The following SNTG2 variants were observed in gnomAD, a reference collection of about 807,000 sequenced individuals.
SNTG2 encodes syntrophin gamma 2, also known as gamma-2-syntrophin.
In SNTG2, 74 loss-of-function variants were observed where a neutral mutation model predicts 70.9. The observed-to-expected ratio is 1.04, with a 90% CI of 0.86 to 1.27. The LOEUF is 1.27. SNTG2 is among the 50% of genes most tolerant of loss of function. The probability of loss-of-function intolerance (pLI) is 0.00; values close to 1 mark genes in which losing one functional copy is unlikely to be tolerated. For synonymous variants in SNTG2, 278 were observed against 273.8 expected (o/e 1.02, Z -0.15); for missense variants, 717 against 690.7 (o/e 1.04, Z -0.43).
intron 15 of SNTG2, among the ~76,000 whole-genome samples, chr2:1,313,190 C>T (rs532501032): frequency 6.6e-6 from 1 of 152,206 alleles, no homozygotes; most frequent in East Asian, 1.9e-4. Flanking sequence ...TCTTTAACAA[C>T]CTGAAACCAT....
At chr2:1,183,396 C>T (rs1270920939) in intron 8 of SNTG2, among the ~76,000 whole-genome samples, 5 of 152,056 alleles carry the variant, frequency 3.3e-5, no homozygotes, top group African/African-American at 7.2e-5. Context: ...TGATATGATA[C>T]GTGTATGTCC....
chr2:1,221,791 C>G lies in SNTG2; in HGVS notation c.719+12561C>G, dbSNP rs1305260683. On this transcript the variant is annotated intron_variant, in intron 9 of 16. Coordinates refer to ENST00000308624, the MANE Select transcript of SNTG2 (RefSeq NM_018968.4). ...TCTCTGCCTCTCTCTGTCTCTGTCTCTGTCTGTCTCTGTCTCTCTCTCGGT... is the reference window on the plus strand; with the variant it reads ...TCTCTGCCTCTCTCTGTCTCTGTCTGTGTCTGTCTCTGTCTCTCTCTCGGT... 1.0e-3 allele frequency among the ~76,000 whole-genome samples: 8 copies of G among 7,786 alleles called. 3 individuals carry two copies. Among genetic ancestry groups the G allele is most frequent in the Non-Finnish European group, 1.6e-3 (7 of 4,508 alleles). 5.1% of individuals were successfully genotyped at this position (7,786 alleles called of 152,430 possible). A position where few individuals can be genotyped will look rare whatever the true frequency, so the allele number is the denominator to read the frequency against.
chr2:988,823 A>G (rs1383368634), intron 1 of SNTG2, among the ~76,000 whole-genome samples: 1 of 152,126 alleles, frequency 6.6e-6, no homozygotes, highest in Non-Finnish European at 1.5e-5. Context: ...TTATGTGTAT[A>G]TAGCTCAACT....
At chr2:1,262,722 G>GTCCAGACGAGGCAACCGGAAGGCTCCC (rs1678495896) in intron 13 of SNTG2, 2 of 94,546 alleles carry the variant, frequency 2.1e-5, no homozygotes, top group Non-Finnish European at 6.0e-5. Flanking sequence ...GGAAGGCTCC[G>GTCCAGACGAGGCAACCGGAAGGCTCCC]TCCAGACGAG....
chr2:969,063 G>A (rs756079214), intron 1 of SNTG2, among the ~76,000 whole-genome samples: 3 of 152,166 alleles, frequency 2.0e-5, no homozygotes, highest in Non-Finnish European at 4.4e-5. Flanking sequence ...GAGGGGTCCA[G>A]TTTCAATCTT....
intron 1 of SNTG2, among the ~76,000 whole-genome samples, chr2:1,012,444 G>C (rs147442137): frequency 3.3e-5 from 5 of 152,330 alleles, no homozygotes; most frequent in African/African-American, 1.2e-4. Flanking sequence ...GAAACCTGCA[G>C]GCTTAATCGA....
chr2:1,054,469 G>T (rs931963740), intron 1 of SNTG2, among the ~76,000 whole-genome samples: 3 of 152,196 alleles, frequency 2.0e-5, no homozygotes, highest in African/African-American at 7.2e-5. Flanking sequence ...GAGTTTGAAG[G>T]ATTCCTGAAA....
chr2:1,302,979 C>A (rs928373380), intron 14 of SNTG2, among the ~76,000 whole-genome samples: 6 of 151,784 alleles, frequency 4.0e-5, no homozygotes, highest in African/African-American at 1.2e-4. Context: ...AACGGGGCTG[C>A]AAAATATGGG....
intron 12 of SNTG2, among the ~76,000 whole-genome samples, chr2:1,251,156 C>T (rs115726488): frequency 8.5e-5 from 13 of 152,236 alleles, no homozygotes; most frequent in Admixed American, 2.6e-4. Flanking sequence ...TTGAATTAGC[C>T]CCAGATAGAT....
intron 8 of SNTG2, among the ~76,000 whole-genome samples, chr2:1,204,112 A>G (rs752665983): frequency 6.6e-6 from 1 of 152,218 alleles, no homozygotes; most frequent in Non-Finnish European, 1.5e-5. Flanking sequence ...AAACCAGATC[A>G]GTGACTACCT....
intron 1 of SNTG2, among the ~76,000 whole-genome samples, chr2:952,540 T>A (rs1259171111): frequency 6.6e-6 from 1 of 152,240 alleles, no homozygotes; most frequent in African/African-American, 2.4e-5. Context: ...GTGCTAAATT[T>A]GATGTTTTCC....
chr2:966,945 TCAAACAAA>T (rs201295058), intron 1 of SNTG2, among the ~76,000 whole-genome samples: 2 of 143,572 alleles, frequency 1.4e-5, no homozygotes, highest in Non-Finnish European at 3.0e-5. Context: ...AGACTCTGTC[TCAAACAAA>T]CAAACAAACA....
At chr2:1,270,947 G>A (rs1678988045) in intron 14 of SNTG2, among the ~76,000 whole-genome samples, 1 of 152,176 alleles carries the variant, frequency 6.6e-6, no homozygotes, top group Non-Finnish European at 1.5e-5. Flanking sequence ...ATTTCTGAAA[G>A]GAAAGCCCTG....
chr2:1,213,771 A>C (rs756297656), intron 9 of SNTG2, among the ~76,000 whole-genome samples: 3 of 152,230 alleles, frequency 2.0e-5, no homozygotes, highest in Non-Finnish European at 4.4e-5. Flanking sequence ...TGCAAACCTC[A>C]CAAAGATATT....
chr2:1,362,029 C>A (rs1284397364), intron 16 of SNTG2, among the ~76,000 whole-genome samples: 1 of 150,990 alleles, frequency 6.6e-6, no homozygotes, highest in Non-Finnish European at 1.5e-5. Flanking sequence ...CCATGAAAGT[C>A]ATTGATGCTG....
chr2:1,248,564 C>G (rs1045109052), intron 12 of SNTG2, among the ~76,000 whole-genome samples: 1 of 152,222 alleles, frequency 6.6e-6, no homozygotes, highest in Non-Finnish European at 1.5e-5. Flanking sequence ...TCAAAACAAA[C>G]ATAACCATGT....
chr2:967,341 A>G (rs1030427983), intron 1 of SNTG2, among the ~76,000 whole-genome samples: 1 of 152,234 alleles, frequency 6.6e-6, no homozygotes, highest in Non-Finnish European at 1.5e-5. Context: ...ATTAAGTAAA[A>G]TGTCACCGTA....
chr2:1,364,413 T>C (rs1573038230), intron 16 of SNTG2, among the ~76,000 whole-genome samples: 2 of 152,296 alleles, frequency 1.3e-5, no homozygotes, highest in South Asian at 2.1e-4. Flanking sequence ...TGTGCTATTA[T>C]TGGATACATC....
At chr2:1,279,025 C>T (rs966793506) in intron 14 of SNTG2, among the ~76,000 whole-genome samples, 3 of 100,134 alleles carry the variant, frequency 3.0e-5, no homozygotes, top group African/African-American at 6.3e-5. Context: ...GCTGTCTGTG[C>T]GTGAATCACC....
Sources: gnomAD v4.1 joint callset for allele counts (sites outside exome capture counted in the v4.1 genomes callset) on GRCh38, gnomAD v4.1.1 for gene constraint, MANE v1.5 for transcripts, NCBI Gene and HGNC (gene_info 2026-07-23, HGNC 2026-07-21) for gene names.